Variants in GRB14 observed in about 807,000 individuals in gnomAD.
The protein encoded by GRB14 is growth factor receptor-bound protein 14.
In GRB14, 38 loss-of-function variants were observed where a neutral mutation model predicts 69.1. That is an observed-to-expected ratio of 0.55 (90% confidence interval 0.42 to 0.72). The LOEUF is 0.72. Among genes scored for constraint, GRB14 ranks in the 30% least tolerant of loss-of-function variants. GRB14 has a pLI of 0.00. For synonymous variants in GRB14, 247 were observed against 241.3 expected, an observed-to-expected ratio of 1.02 and a Z score of -0.22; for missense variants, 666 against 666.1, an observed-to-expected ratio of 1.00 and a Z score of 0.00.
In GRB14 at chr2:164,581,871, T is replaced by A. The variant is rs184614291; in HGVS notation, c.325-34055A>T. 4.2e-3 allele frequency among the ~76,000 whole-genome samples: 638 copies of A among 152,276 alleles called. 2 individuals are homozygous for A. The highest frequency in any genetic ancestry group is 0.014 in the African/African-American group (574 of 41,558). ...CCCTTGATTTAAAGAAAAAAGACAC[T>A]AAACTTTCCCTCCAGCTAAATTATC... On this transcript the variant is annotated intron_variant, in intron 2 of 13. Coordinates refer to ENST00000263915, the MANE Select transcript of GRB14 (RefSeq NM_004490.3).
chr2:164,494,330 C>A, intron 13 of GRB14, 101 bp downstream of exon 13: 1 of 660,900 alleles, frequency 1.5e-6, no homozygotes, highest in Non-Finnish European at 2.7e-6. Context: ...ATAAAAAGAC[C>A]AAAAGAAAAC....
At chr2:164,583,002 A>C (rs1689451876) in intron 2 of GRB14, among the ~76,000 whole-genome samples, 1 of 152,136 alleles carries the variant, frequency 6.6e-6, no homozygotes, top group Middle Eastern at 3.2e-3. Flanking sequence ...CAGACTCTCT[A>C]CTGAAGAGCA....
rs114586359 is a variant in GRB14 at position 164,550,661 on chromosome 2, G to A, written c.325-2845C>T. Among the ~76,000 whole-genome samples the A allele has an allele frequency of 6.8e-3, 1,028 of 152,006 alleles. 9 individuals are homozygous for A. The highest frequency in any genetic ancestry group is 0.024 in the African/African-American group (989 of 41,440). On this transcript the variant is annotated intron_variant, in intron 2 of 13. Transcript: ENST00000263915. ...AACATCTGAACTAAATATGGAAAAT[G>A]GCTTTAGGCATTACATGTCCAGCAA...
At chr2:164,543,879 G>A (rs561837712) in intron 3 of GRB14, among the ~76,000 whole-genome samples, 1 of 152,290 alleles carries the variant, frequency 6.6e-6, no homozygotes, top group East Asian at 1.9e-4. Context: ...TATATTTTGT[G>A]CTGAGGAAGA....
chr2:164,510,727 A>G (rs1407464749), intron 6 of GRB14, among the ~76,000 whole-genome samples: 3 of 152,146 alleles, frequency 2.0e-5, no homozygotes, highest in Non-Finnish European at 4.4e-5. Flanking sequence ...TTTAGAAGGG[A>G]GCCCACTACC....
intron 2 of GRB14, among the ~76,000 whole-genome samples, chr2:164,556,422 T>G (rs1374930001): frequency 6.6e-6 from 1 of 152,168 alleles, no homozygotes; most frequent in Non-Finnish European, 1.5e-5. Context: ...TTATAAGACA[T>G]TACTTAAAAC....
At chr2:164,506,643 A>C (rs562452035) in intron 8 of GRB14, among the ~76,000 whole-genome samples, 77 of 152,344 alleles carry the variant, frequency 5.1e-4, no homozygotes, top group African/African-American at 1.5e-3. Flanking sequence ...TACTCAAACA[A>C]ATACATATAC....
chr2:164,571,845 C>T (rs1356349835), intron 2 of GRB14, among the ~76,000 whole-genome samples: 1 of 152,212 alleles, frequency 6.6e-6, no homozygotes, highest in Non-Finnish European at 1.5e-5. Flanking sequence ...CTCTCCAAGG[C>T]ACCCCACTAT....
chr2:164,612,057 A>G (rs1690179718), intron 2 of GRB14, among the ~76,000 whole-genome samples: 1 of 152,184 alleles, frequency 6.6e-6, no homozygotes, highest in Non-Finnish European at 1.5e-5. Flanking sequence ...CCTCATCTGT[A>G]GTAGGACTGT....
rs559280671 is a variant in GRB14, at chr2:164,574,489, G to C, written c.325-26673C>G. Reference sequence around the variant, plus strand: ...CTTTCGACCTGATCCGCCCACCTTGGCCTCCCAAAGTGCTGGGATTACAGA... The same window carrying C: ...CTTTCGACCTGATCCGCCCACCTTGCCCTCCCAAAGTGCTGGGATTACAGA... On this transcript the variant is annotated intron_variant, in intron 2 of 13. Coordinates refer to ENST00000263915, the MANE Select transcript of GRB14 (RefSeq NM_004490.3). 1.8e-4 allele frequency among the ~76,000 whole-genome samples: 28 copies of C among 152,038 alleles called. 1 individual carries two copies. The East Asian group carries it at 5.4e-3, about 30-fold the overall frequency.
rs562977989 is a variant in GRB14 at position 164,568,696 on chromosome 2, G to A, written c.325-20880C>T. Reference sequence around the variant, plus strand: ...CGCTCAACTTTTTTTCCAAAACAGTGCAATTCAATGCCATCTTTGTTGACT... The same window carrying A: ...CGCTCAACTTTTTTTCCAAAACAGTACAATTCAATGCCATCTTTGTTGACT... On this transcript the variant is annotated intron_variant, in intron 2 of 13. Transcript: ENST00000263915. Among the ~76,000 whole-genome samples, 53 of 152,232 alleles carry A rather than the reference G, an allele frequency of 3.5e-4. No homozygotes were observed. The South Asian group carries it at 0.011, about 31-fold the overall frequency.
chr2:164,518,656 A>T (rs2105278877), intron 6 of GRB14, among the ~76,000 whole-genome samples: 1 of 152,282 alleles, frequency 6.6e-6, no homozygotes, highest in South Asian at 2.1e-4. Flanking sequence ...GAGAAGACCC[A>T]AATAAGGTCA....
At chr2:164,619,892 A>G in intron 1 of GRB14, 73 bp from the exon 2 acceptor site, 1 of 1,326,780 alleles carries the variant, frequency 7.5e-7, no homozygotes, top group Admixed American at 1.8e-5. Flanking sequence ...AGGAATAAAA[A>G]GTGTGCTAAG....
At chr2:164,538,001 T>TA (rs528234467) in intron 3 of GRB14, among the ~76,000 whole-genome samples, 7,515 of 144,780 alleles carry the variant, frequency 0.052, 223 homozygotes, top group Admixed American at 0.081. Context: ...CTTCCTTTGT[T>TA]AAAAAAAAAA....
chr2:164,569,268 G>A (rs1258393142), intron 2 of GRB14, among the ~76,000 whole-genome samples: 1 of 152,036 alleles, frequency 6.6e-6, no homozygotes, highest in Non-Finnish European at 1.5e-5. Flanking sequence ...TGTTTCTAGG[G>A]GAGGGAGGCT....
At chr2:164,555,980 G>A (rs1468818022) in intron 2 of GRB14, among the ~76,000 whole-genome samples, 1 of 151,928 alleles carries the variant, frequency 6.6e-6, no homozygotes, top group Non-Finnish European at 1.5e-5. Flanking sequence ...AATATTTCAT[G>A]AGAAATATTT....
chr2:164,568,276 A>C (rs1438634632), intron 2 of GRB14: 1 of 1,238,186 alleles, frequency 8.1e-7, no homozygotes, highest in Admixed American at 2.3e-5. Flanking sequence ...AAAAGCAGCA[A>C]GAAAAATTAA....
intron 2 of GRB14, among the ~76,000 whole-genome samples, chr2:164,566,745 A>G (rs1688985117): frequency 6.6e-6 from 1 of 152,122 alleles, no homozygotes; most frequent in Non-Finnish European, 1.5e-5. Context: ...AAAATAATTT[A>G]CATATTTTAC....
intron 2 of GRB14, among the ~76,000 whole-genome samples, chr2:164,596,113 A>C (rs1274184016): frequency 6.6e-6 from 1 of 152,050 alleles, no homozygotes; most frequent in Non-Finnish European, 1.5e-5. Context: ...ACAGAGGGAG[A>C]CTCCGTCAAA....
Sources: gnomAD v4.1 joint callset for allele counts (sites outside exome capture counted in the v4.1 genomes callset) on GRCh38, gnomAD v4.1.1 for gene constraint, MANE v1.5 for transcripts, NCBI Gene and HGNC (gene_info 2026-07-23, HGNC 2026-07-21) for gene names.